Variants in RTF1 observed in about 807,000 individuals in gnomAD.
RTF1 encodes RTF1 homolog, Paf1/RNA polymerase II complex component, also known as RNA polymerase-associated protein RTF1 homolog.
Under a neutral mutation model 95.7 loss-of-function variants are expected in RTF1, and 10 were observed. That is an observed-to-expected ratio of 0.10 (90% CI 0.06 to 0.18). The LOEUF is 0.18. Among genes scored for constraint, RTF1 ranks in the 10% least tolerant of loss-of-function variants. The pLI, the probability that RTF1 is intolerant of heterozygous loss-of-function variation, is 1.00. For missense variants in RTF1, 458 were observed against 875.6 expected, an observed-to-expected ratio of 0.52 and a Z score of 6.02; for synonymous variants, 305 against 311.8, an observed-to-expected ratio of 0.98 and a Z score of 0.23.
intron 1 of RTF1, among the ~76,000 whole-genome samples, chr15:41,425,150 C>T (rs1182859424): frequency 1.3e-5 from 2 of 152,022 alleles, no homozygotes; most frequent in African/African-American, 2.4e-5. Context: ...TTGCCCAGGC[C>T]GGACTGCAGT....
chr15:41,443,058 G>C (rs985435289), intron 2 of RTF1, among the ~76,000 whole-genome samples: 4 of 152,126 alleles, frequency 2.6e-5, no homozygotes, highest in Non-Finnish European at 5.9e-5. Context: ...CCTCAGATTT[G>C]CTAGGACAGA....
chr15:41,464,636 G>T, intron 4 of RTF1, 135 bp from the exon 5 acceptor site: 1 of 569,480 alleles, frequency 1.8e-6, no homozygotes, highest in South Asian at 2.9e-5. Flanking sequence ...GTACTTAAAA[G>T]GTACACCAGA....
chr15:41,469,515 C>A (rs543900730), intron 6 of RTF1, among the ~76,000 whole-genome samples: 1 of 151,350 alleles, frequency 6.6e-6, no homozygotes, highest in African/African-American at 2.4e-5. Flanking sequence ...AGTCACCATG[C>A]CTGGCCACGT....
chr15:41,441,113 A>G (rs945324639), intron 2 of RTF1, among the ~76,000 whole-genome samples: 1 of 151,526 alleles, frequency 6.6e-6, no homozygotes, highest in Non-Finnish European at 1.5e-5. Context: ...CTGGGACTAC[A>G]GGCGCCTGCC....
At chr15:41,442,641 T>G (rs2050741550) in intron 2 of RTF1, among the ~76,000 whole-genome samples, 1 of 152,040 alleles carries the variant, frequency 6.6e-6, no homozygotes, top group African/African-American at 2.4e-5. Flanking sequence ...ATCCCAGCAC[T>G]TTGGGAGGCC....
intron 2 of RTF1, among the ~76,000 whole-genome samples, chr15:41,447,346 G>C (rs116539460): frequency 6.6e-6 from 1 of 151,996 alleles, no homozygotes; most frequent in African/African-American, 2.4e-5. Context: ...ACCAGTCCCC[G>C]CCTTGTGTTT....
intron 2 of RTF1, among the ~76,000 whole-genome samples, chr15:41,443,617 C>A (rs1431497909): frequency 2.0e-5 from 3 of 151,512 alleles, no homozygotes; most frequent in East Asian, 3.9e-4. Flanking sequence ...AAAAAAACGG[C>A]CAGCAGGGTG....
intron 1 of RTF1, among the ~76,000 whole-genome samples, chr15:41,420,307 T>C (rs57517228): frequency 0.054 from 8,202 of 152,238 alleles, 494 homozygotes; most frequent in African/African-American, 0.15. Context: ...AACAGGGGTA[T>C]TGATGCCTTC....
chr15:41,456,710 A>T (rs1311871225), intron 3 of RTF1, among the ~76,000 whole-genome samples: 1 of 151,268 alleles, frequency 6.6e-6, no homozygotes, highest in East Asian at 1.9e-4. Context: ...GAACTGTTTG[A>T]ACCGGGGAGG....
In RTF1 at chr15:41,471,155, C is replaced by T. The variant is rs768628050; in HGVS notation, c.1026-17C>T. ...TTATGATGAACATTTTTTCCAGTGC[C>T]CCTTTGTTCCTCTTAGGAAAGAAGA... On this transcript the variant is annotated splice_polypyrimidine_tract_variant and intron_variant, in intron 7 of 17. Transcript: ENST00000389629. 8 of 1,568,366 alleles carry T rather than the reference C, an allele frequency of 5.1e-6. No individual in the cohort carries two copies. In the African/African-American group the frequency reaches 9.7e-5, roughly 19 times the overall value.
At chr15:41,450,398 C>T (rs2050784064) in intron 2 of RTF1, among the ~76,000 whole-genome samples, 1 of 150,206 alleles carries the variant, frequency 6.7e-6, no homozygotes, top group African/African-American at 2.5e-5. Flanking sequence ...CCAGCCTGAC[C>T]AACATGGAGA....
intron 8 of RTF1, among the ~76,000 whole-genome samples, chr15:41,473,796 G>C (rs1051488325): frequency 2.6e-5 from 4 of 151,580 alleles, no homozygotes; most frequent in Non-Finnish European, 5.9e-5. Context: ...TGTAATCCCA[G>C]TACTTTGGGA....
chr15:41,420,408 A>C (rs1302230566), intron 1 of RTF1, among the ~76,000 whole-genome samples: 2 of 152,178 alleles, frequency 1.3e-5, no homozygotes, highest in Non-Finnish European at 2.9e-5. Context: ...GACCTTTAGC[A>C]CAAGTTCACT....
chr15:41,465,533 CG>C (rs987626156), intron 5 of RTF1, among the ~76,000 whole-genome samples: 12 of 151,948 alleles, frequency 7.9e-5, no homozygotes, highest in African/African-American at 2.9e-4. Flanking sequence ...CCCAGCTACT[CG>C]GGGGGCTGAG....
Position 41,471,154 on chromosome 15 carries a change from C to T in RTF1, c.1026-18C>T, listed in dbSNP as rs2050909560. ...TTTATGATGAACATTTTTTCCAGTG[C>T]CCCTTTGTTCCTCTTAGGAAAGAAG... is the stretch of plus-strand genomic sequence containing the variant. On this transcript the variant is annotated intron_variant, in intron 7 of 17. Coordinates refer to ENST00000389629, the MANE Select transcript of RTF1 (RefSeq NM_015138.5). 1.9e-6 allele frequency: 3 copies of T among 1,564,686 alleles called. No individual in the cohort carries two copies. The highest frequency in any genetic ancestry group is 2.6e-6 in the Non-Finnish European group (3 of 1,158,308).
chr15:41,441,768 T>C (rs562865924), intron 2 of RTF1, among the ~76,000 whole-genome samples: 1 of 152,320 alleles, frequency 6.6e-6, no homozygotes, highest in African/African-American at 2.4e-5. Context: ...CCCTACAGGA[T>C]TCTTAGCTCC....
intron 17 of RTF1, 116 bp downstream of exon 17, chr15:41,480,441 C>T: frequency 1.0e-6 from 1 of 975,224 alleles, no homozygotes. Flanking sequence ...TCATCAGCAT[C>T]CACAGGCCAG....
chr15:41,476,475 A>G lies in RTF1; in HGVS notation c.1512A>G (p.Lys504=). 1 of 1,613,846 alleles carries G rather than the reference A, an allele frequency of 6.2e-7. No individual in the cohort carries two copies. The highest frequency in any genetic ancestry group is 8.5e-7 in the Non-Finnish European group (1 of 1,179,800). ...TAAAAGAGAAAGAAAGGTTCAGAAA[A>G]GCTCCACCCAACTACGCTATGAAGA... ...EIVKEKERFR[K]APPNYAMKKT... is the part of the protein sequence containing the mutation. The change falls in exon 12 of 18, where the codon AAA becomes AAG. Residue 504 remains lysine (K), a synonymous_variant. Transcript: ENST00000389629.
At chr15:41,437,112 GAAC>G (rs1435224766) in intron 1 of RTF1, among the ~76,000 whole-genome samples, 1 of 151,472 alleles carries the variant, frequency 6.6e-6, no homozygotes, top group South Asian at 2.1e-4. Flanking sequence ...TAAAAACCAA[GAAC>G]AACAAAAAAA....
Sources: allele counts gnomAD v4.1 joint callset (sites outside exome capture counted in the v4.1 genomes callset), GRCh38; gene constraint gnomAD v4.1.1; transcripts MANE v1.5; gene names NCBI Gene and HGNC (gene_info 2026-07-23, HGNC 2026-07-21).